The following MYO1E variants were observed in gnomAD, a reference collection of about 807,000 sequenced individuals.
MYO1E encodes the protein unconventional myosin-Ie.
Under a neutral mutation model 151.1 loss-of-function variants are expected in MYO1E, and 68 were observed. The observed-to-expected ratio is 0.45, with a 90% CI of 0.37 to 0.55. The LOEUF (loss-of-function observed/expected upper bound fraction) is 0.55. Among genes scored for constraint, MYO1E ranks in the 20% least tolerant of loss-of-function variants. The probability of loss-of-function intolerance (pLI) is 0.00; values close to 1 mark genes in which losing one functional copy is unlikely to be tolerated. For synonymous variants in MYO1E, 601 were observed against 501.7 expected (o/e 1.20, Z -2.64); for missense variants, 1,363 against 1,389.3 (o/e 0.98, Z 0.30).
intron 17 of MYO1E, among the ~76,000 whole-genome samples, chr15:59,189,071 T>A (rs1596357760): frequency 6.6e-6 from 1 of 151,738 alleles, no homozygotes; most frequent in African/African-American, 2.4e-5. Flanking sequence ...CTTACAAGAA[T>A]TTTTTTTTGA....
chr15:59,204,950 T>C (rs529758010), intron 15 of MYO1E, among the ~76,000 whole-genome samples: 2 of 152,208 alleles, frequency 1.3e-5, no homozygotes, highest in African/African-American at 4.8e-5. Flanking sequence ...TATTGAAAGG[T>C]AGAAAGCCTG....
At chr15:59,178,609 G>A in intron 18 of MYO1E, 72 bp from the exon 19 acceptor site, 2 of 1,568,600 alleles carry the variant, frequency 1.3e-6, no homozygotes, top group South Asian at 1.2e-5. Context: ...GGGCAAGGCA[G>A]CAAGAGCTCT....
intron 26 of MYO1E, among the ~76,000 whole-genome samples, chr15:59,146,973 A>G (rs976330771): frequency 6.6e-6 from 1 of 152,162 alleles, no homozygotes; most frequent in East Asian, 1.9e-4. Flanking sequence ...ATCACATTAT[A>G]ACCCAGAAAC....
chr15:59,158,252 T>C, intron 25 of MYO1E, 35 bp downstream of exon 25: 10 of 1,467,116 alleles, frequency 6.8e-6, no homozygotes, highest in Non-Finnish European at 9.3e-6. Flanking sequence ...GGTCCAGATT[T>C]AGTGGTCCCA....
chr15:59,316,719 A>G (rs937754176), intron 1 of MYO1E, among the ~76,000 whole-genome samples: 2 of 152,210 alleles, frequency 1.3e-5, no homozygotes, highest in East Asian at 3.8e-4. Flanking sequence ...CTTGCTTTCC[A>G]TAGCGAACTT....
intron 1 of MYO1E, among the ~76,000 whole-genome samples, chr15:59,302,248 A>T (rs1370503738): frequency 6.6e-6 from 1 of 152,240 alleles, no homozygotes; most frequent in Admixed American, 6.5e-5. Flanking sequence ...GGACATGTCC[A>T]ATTAACGAAG....
chr15:59,216,685 T>TACAC (rs1180330982), intron 10 of MYO1E, among the ~76,000 whole-genome samples: 12 of 38,638 alleles, frequency 3.1e-4, no homozygotes, highest in African/African-American at 5.7e-4. Flanking sequence ...TATATATATA[T>TACAC]ACACATACAC....
In MYO1E at chr15:59,218,049, C is replaced by T; in HGVS notation, c.949G>A (p.Asp317Asn). The part of the protein sequence containing the change: ...FPAYLLGINQ[D>N]RLKEKLTSRQ... ...CTTGTTAGCTTTTCTTTCAACCGGT[C>T]CTGGTTTATCCCTAGCAGATATGCA... The change falls in exon 10 of 28, where the codon GAC (aspartate) becomes AAC (asparagine). Residue 317 changes from aspartate (D) to asparagine (N), a missense_variant. Asp to Asn is a conservative substitution (Grantham distance 23). Transcript: ENST00000288235. 6.2e-7 allele frequency: 1 copy of T among 1,614,178 alleles called. No individual in the cohort carries two copies. Among genetic ancestry groups the T allele is most frequent in the Non-Finnish European group, 8.5e-7 (1 of 1,180,036 alleles).
chr15:59,336,671 T>G (rs1301510546), intron 1 of MYO1E, among the ~76,000 whole-genome samples: 3 of 152,126 alleles, frequency 2.0e-5, no homozygotes, highest in African/African-American at 7.2e-5. Flanking sequence ...TACATAGGTA[T>G]ACACGTGCCA....
At chr15:59,307,321 C>T (rs2080520407) in intron 1 of MYO1E, among the ~76,000 whole-genome samples, 1 of 152,118 alleles carries the variant, frequency 6.6e-6, no homozygotes, top group African/African-American at 2.4e-5. Context: ...CACCCTGGGC[C>T]CGGGGAGGAT....
intron 17 of MYO1E, among the ~76,000 whole-genome samples, chr15:59,195,172 T>C (rs1051353008): frequency 7.9e-4 from 121 of 152,222 alleles, no homozygotes; most frequent in Non-Finnish European, 1.2e-4. Context: ...AAAACCATCA[T>C]GACTCTGCGG....
At chr15:59,273,091 T>C (rs2080297370) in intron 1 of MYO1E, among the ~76,000 whole-genome samples, 1 of 152,182 alleles carries the variant, frequency 6.6e-6, no homozygotes, top group Non-Finnish European at 1.5e-5. Context: ...ACTGCTCCAA[T>C]AACGAGGATG....
chr15:59,331,943 G>C (rs2080700597), intron 1 of MYO1E, among the ~76,000 whole-genome samples: 1 of 152,176 alleles, frequency 6.6e-6, no homozygotes, highest in African/African-American at 2.4e-5. Flanking sequence ...AGGAAACAAA[G>C]ACTAATTTCA....
chr15:59,205,957 A>C (rs2079830870), intron 14 of MYO1E, among the ~76,000 whole-genome samples: 1 of 152,140 alleles, frequency 6.6e-6, no homozygotes, highest in Admixed American at 6.5e-5. Context: ...GTGGTATCAA[A>C]GTTGCACCAA....
Position 59,136,857 on chromosome 15 carries a change from C to G in MYO1E, c.*523G>C, listed in dbSNP as rs960694588. 1.1e-5 allele frequency: 5 copies of G among 438,456 alleles called. No individual in the cohort carries two copies. In the Admixed American group the frequency reaches 1.2e-4, roughly 11 times the overall value. The allele number at this position is 438,456 out of a possible 1,614,324, so 27.2% of individuals were successfully genotyped here. A position where few individuals can be genotyped will look rare whatever the true frequency, so the allele number is the denominator to read the frequency against. ...CCCTGGGCTCAGCAGGCCAGCTTAC[C>G]CTTGGCACGTACATGGGAAGTGCCT... On this transcript the variant is annotated 3_prime_UTR_variant, in exon 28 of 28. Transcript: ENST00000288235.
intron 4 of MYO1E, among the ~76,000 whole-genome samples, chr15:59,238,856 C>T (rs575987358): frequency 2.6e-5 from 4 of 152,024 alleles, no homozygotes; most frequent in South Asian, 2.1e-4. Flanking sequence ...CAGGTGTGAG[C>T]CACGACACCT....
chr15:59,315,406 G>C (rs2080581811), intron 1 of MYO1E, among the ~76,000 whole-genome samples: 1 of 152,062 alleles, frequency 6.6e-6, no homozygotes, highest in Non-Finnish European at 1.5e-5. Flanking sequence ...GGGTGGGCGG[G>C]GGAGAGTATT....
rs80059352 is a variant in MYO1E, at chr15:59,283,855, A to G, written c.4-11406T>C. On this transcript the variant is annotated intron_variant, in intron 1 of 27. Coordinates refer to ENST00000288235, the MANE Select transcript of MYO1E (RefSeq NM_004998.4). ...AGCAGTTGGAAACAGCAATAATTCT[A>G]AAGTTCATAGTAACTGCTTTATTGC... Among the ~76,000 whole-genome samples the G allele has an allele frequency of 6.0e-3, 919 of 152,350 alleles. 5 individuals are homozygous for G. Among genetic ancestry groups the G allele is most frequent in the African/African-American group, 0.021 (890 of 41,580 alleles).
At chr15:59,334,673 G>C (rs2414630) in intron 1 of MYO1E, among the ~76,000 whole-genome samples, 2,424 of 152,194 alleles carry the variant, frequency 0.016, 56 homozygotes, top group African/African-American at 0.056. Context: ...ATTCTCCAAA[G>C]CTTATTAAGT....
Sources: allele counts gnomAD v4.1 joint callset (sites outside exome capture counted in the v4.1 genomes callset), GRCh38; gene constraint gnomAD v4.1.1; transcripts MANE v1.5; gene names NCBI Gene and HGNC (gene_info 2026-07-23, HGNC 2026-07-21).